The following IFT81 variants were observed in gnomAD, a reference collection of about 807,000 sequenced individuals.
The protein encoded by IFT81 is intraflagellar transport 81.
Under a neutral mutation model 102.6 loss-of-function variants are expected in IFT81, and 72 were observed. The ratio of observed to expected loss-of-function variants is 0.70; its 90% CI spans 0.58 to 0.85. The LOEUF (loss-of-function observed/expected upper bound fraction) is 0.85. IFT81 is among the 40% of genes least tolerant of loss of function. The pLI is 0.00. For synonymous variants in IFT81, 237 were observed against 242.7 expected (o/e 0.98, Z 0.22); for missense variants, 723 against 787.3 (o/e 0.92, Z 0.98).
chr12:110,206,922 A>G (rs1298597138), intron 17 of IFT81, among the ~76,000 whole-genome samples: 18 of 152,296 alleles, frequency 1.2e-4, no homozygotes, highest in Non-Finnish European at 1.6e-4. Flanking sequence ...TTCTTAAAAA[A>G]TAAAAATTTT....
At chr12:110,184,953 T>C (rs1291483626) in intron 12 of IFT81, among the ~76,000 whole-genome samples, 1 of 152,178 alleles carries the variant, frequency 6.6e-6, no homozygotes. Flanking sequence ...GAAAGCAATC[T>C]GAGCCATAAA....
intron 11 of IFT81, among the ~76,000 whole-genome samples, chr12:110,177,815 C>T (rs1288951132): frequency 6.6e-6 from 1 of 152,118 alleles, no homozygotes; most frequent in Non-Finnish European, 1.5e-5. Context: ...GAAGGAAAAG[C>T]CGGGCGCAGT....
chr12:110,177,748 C>G (rs1029692078), intron 11 of IFT81, among the ~76,000 whole-genome samples: 2 of 152,148 alleles, frequency 1.3e-5, no homozygotes, highest in Non-Finnish European at 2.9e-5. Flanking sequence ...GGTGTACTTT[C>G]TATTTCACTA....
intron 11 of IFT81, among the ~76,000 whole-genome samples, chr12:110,172,878 T>G (rs1221282186): frequency 2.0e-5 from 3 of 151,920 alleles, no homozygotes; most frequent in African/African-American, 7.3e-5. Context: ...CCCCTCTGCC[T>G]GGCTGCCCAG....
intron 10 of IFT81, among the ~76,000 whole-genome samples, chr12:110,156,465 T>TTGTTTATCTGGGAATGTAGCTG (rs1895844508): frequency 1.3e-5 from 2 of 151,864 alleles, no homozygotes; most frequent in Admixed American, 1.3e-4. Flanking sequence ...GAATGTAGCT[T>TTGTTTATCTGGGAATGTAGCTG]TTGTTTATCT....
chr12:110,135,126 T>A lies in IFT81; in HGVS notation c.585+113T>A, dbSNP rs1894404206. ...CATGAGTGTACATCTGAGGATGGAC[T>A]CAAATAACATTGACGAAAAGGGAAT... On this transcript the variant is annotated intron_variant, in intron 6 of 18. Coordinates refer to ENST00000242591, the MANE Select transcript of IFT81 (RefSeq NM_014055.4). 4 of 842,960 alleles carry A rather than the reference T, an allele frequency of 4.7e-6. No individual in the cohort carries two copies. The East Asian group carries it at 1.0e-4, about 21-fold the overall frequency. The allele number at this position is 842,960 out of a possible 1,614,324, so 52.2% of individuals were successfully genotyped here.
intron 10 of IFT81, among the ~76,000 whole-genome samples, chr12:110,158,746 C>T (rs559971756): frequency 2.3e-3 from 352 of 152,228 alleles, no homozygotes; most frequent in South Asian, 6.0e-3. Context: ...CCCGCCACCA[C>T]GCCCGTCTAA....
intron 14 of IFT81, among the ~76,000 whole-genome samples, chr12:110,197,063 G>GGA (rs529395369): frequency 3.9e-4 from 59 of 152,082 alleles, no homozygotes; most frequent in Non-Finnish European, 7.4e-4. Context: ...GCTGAGCATG[G>GGA]GAGCACACAT....
intron 12 of IFT81, among the ~76,000 whole-genome samples, chr12:110,185,445 C>T (rs1293538694): frequency 2.0e-5 from 3 of 152,088 alleles, no homozygotes; most frequent in East Asian, 1.9e-4. Context: ...CCACCTCGGC[C>T]TCCCAAAGTG....
chr12:110,199,321 C>G (rs1439460219), intron 14 of IFT81, among the ~76,000 whole-genome samples: 1 of 152,092 alleles, frequency 6.6e-6, no homozygotes, highest in African/African-American at 2.4e-5. Context: ...AGCTTTGTCT[C>G]TTGAATCCTG....
At chr12:110,182,626 A>G (rs929455882) in intron 12 of IFT81, among the ~76,000 whole-genome samples, 50 of 152,304 alleles carry the variant, frequency 3.3e-4, no homozygotes, top group Non-Finnish European at 6.3e-4. Context: ...TGTCCCTGTT[A>G]TATAGCAGCA....
intron 14 of IFT81, among the ~76,000 whole-genome samples, chr12:110,199,584 C>T (rs955011589): frequency 2.6e-5 from 4 of 152,176 alleles, no homozygotes; most frequent in Admixed American, 2.6e-4. Flanking sequence ...ACCTTCATCT[C>T]AAGAGACCAG....
In IFT81 at chr12:110,172,830, G is replaced by C. The variant is rs544944649; in HGVS notation, c.1189-7592G>C. Among the ~76,000 whole-genome samples the C allele has an allele frequency of 8.6e-5, 13 of 151,380 alleles. No individual in the cohort carries two copies. In the South Asian group the frequency reaches 2.5e-3, roughly 29 times the overall value. ...CCACCCCGTCTAGGAAGTGAGGAGC[G>C]TCTCTGCCTGGCCGCCCATCGTCTG... is the stretch of plus-strand genomic sequence containing the variant. On this transcript the variant is annotated intron_variant, in intron 11 of 18. Transcript: ENST00000242591.
intron 17 of IFT81, among the ~76,000 whole-genome samples, chr12:110,206,061 C>T (rs745706763): frequency 7.2e-5 from 11 of 152,144 alleles, no homozygotes; most frequent in Non-Finnish European, 1.5e-4. Flanking sequence ...CTTCATTCCC[C>T]GCCACCCAGG....
intron 10 of IFT81, among the ~76,000 whole-genome samples, chr12:110,160,584 A>G (rs1475155049): frequency 2.0e-5 from 3 of 152,236 alleles, no homozygotes; most frequent in Non-Finnish European, 4.4e-5. Context: ...TTTGTCTTCC[A>G]GTCCACTAAC....
intron 8 of IFT81, among the ~76,000 whole-genome samples, chr12:110,141,182 A>G (rs986660159): frequency 1.3e-5 from 2 of 151,768 alleles, no homozygotes; most frequent in African/African-American, 2.4e-5. Flanking sequence ...GATTACAGGC[A>G]TGGGTCACCA....
chr12:110,183,668 C>T (rs1180367951), intron 12 of IFT81, among the ~76,000 whole-genome samples: 1 of 152,176 alleles, frequency 6.6e-6, no homozygotes, highest in African/African-American at 2.4e-5. Context: ...GATCATTATA[C>T]TTAGTGCCTA....
At chr12:110,217,557 G>T (rs888479418) in intron 18 of IFT81, among the ~76,000 whole-genome samples, 23 of 151,556 alleles carry the variant, frequency 1.5e-4, no homozygotes, top group African/African-American at 5.6e-4. Flanking sequence ...TTGTTTGTTT[G>T]TTTTTGTTTT....
At chr12:110,137,299 C>G (rs190149546) in intron 8 of IFT81, among the ~76,000 whole-genome samples, 511 of 152,210 alleles carry the variant, frequency 3.4e-3, no homozygotes, top group Admixed American at 5.6e-3. Flanking sequence ...GAGACCGCGC[C>G]ACTGCAGCCC....
Sources: allele counts gnomAD v4.1 joint callset (sites outside exome capture counted in the v4.1 genomes callset), GRCh38; gene constraint gnomAD v4.1.1; transcripts MANE v1.5; gene names NCBI Gene and HGNC (gene_info 2026-07-23, HGNC 2026-07-21).